The following DYNC2I2 variants were observed in gnomAD, a reference collection of about 807,000 sequenced individuals.
DYNC2I2 encodes cytoplasmic dynein 2 intermediate chain 2.
A neutral mutation model predicts 52.0 loss-of-function variants in DYNC2I2; 39 were observed. The ratio of observed to expected loss-of-function variants is 0.75; its 90% CI spans 0.58 to 0.98. DYNC2I2 has a LOEUF of 0.98. Ranked by LOEUF, DYNC2I2 falls within the 50% of genes least tolerant of loss-of-function variation. DYNC2I2 has a pLI of 0.00. For missense variants in DYNC2I2, 743 were observed against 728.4 expected, an observed-to-expected ratio of 1.02 and a Z score of -0.23; for synonymous variants, 359 against 321.1, an observed-to-expected ratio of 1.12 and a Z score of -1.26.
the DYNC2I2 span, among the ~76,000 whole-genome samples, chr9:128,674,376 C>T: frequency 1.3e-5 from 2 of 151,952 alleles, no homozygotes; most frequent in Non-Finnish European, 2.9e-5. Context: ...CCTCGTGATC[C>T]GCCTGCCTTG....
chr9:128,666,819 C>A, the DYNC2I2 span, among the ~76,000 whole-genome samples: 2 of 151,408 alleles, frequency 1.3e-5, no homozygotes, highest in Non-Finnish European at 2.9e-5. Flanking sequence ...GTAATCCCAG[C>A]ACTTTCAGAA....
At chr9:128,665,418 T>C in the DYNC2I2 span, among the ~76,000 whole-genome samples, 1 of 152,098 alleles carries the variant, frequency 6.6e-6, no homozygotes, top group Non-Finnish European at 1.5e-5. Context: ...ATATTTGCCA[T>C]GACCTTAAAT....
At chr9:128,672,516 G>T in the DYNC2I2 span, among the ~76,000 whole-genome samples, 1 of 148,964 alleles carries the variant, frequency 6.7e-6, no homozygotes, top group East Asian at 1.9e-4. Context: ...AAAAAAAAAA[G>T]TTTAATCTCA....
At chr9:128,673,432 C>G in the DYNC2I2 span, among the ~76,000 whole-genome samples, 1 of 11,326 alleles carries the variant, frequency 8.8e-5, no homozygotes, top group African/African-American at 1.2e-4. Context: ...ACTTCTGCCT[C>G]CAGGGCTCAA....
intron 4 of DYNC2I2, 161 bp from the exon 5 acceptor site, chr9:128,635,928 G>T: frequency 1.4e-6 from 1 of 716,554 alleles, no homozygotes; most frequent in Non-Finnish European, 2.4e-6. Flanking sequence ...CTAGCCCCCA[G>T]CTCCCCTGTT....
the DYNC2I2 span, among the ~76,000 whole-genome samples, chr9:128,673,170 G>A: frequency 6.6e-6 from 1 of 152,152 alleles, no homozygotes; most frequent in East Asian, 1.9e-4. Context: ...TCAAACAGTA[G>A]TAGCAGCTTA....
At chr9:128,653,716 C>CA (rs1298758234) in intron 1 of DYNC2I2, among the ~76,000 whole-genome samples, 25 of 126,890 alleles carry the variant, frequency 2.0e-4, no homozygotes, top group South Asian at 9.6e-4. Flanking sequence ...ACTCTGTCTC[C>CA]AAAAAAAAAC....
chr9:128,684,412 C>T, the DYNC2I2 span, among the ~76,000 whole-genome samples: 2 of 152,228 alleles, frequency 1.3e-5, no homozygotes, highest in Middle Eastern at 3.4e-3. Flanking sequence ...TTCTTGCTGC[C>T]GACGGCGGCC....
the DYNC2I2 span, among the ~76,000 whole-genome samples, chr9:128,665,003 A>T: frequency 6.6e-6 from 1 of 151,686 alleles, no homozygotes; most frequent in Non-Finnish European, 1.5e-5. Flanking sequence ...TATAACACAT[A>T]AACAGTTATT....
At chr9:128,667,489 C>T in the DYNC2I2 span, among the ~76,000 whole-genome samples, 1 of 150,910 alleles carries the variant, frequency 6.6e-6, no homozygotes, top group Non-Finnish European at 1.5e-5. Context: ...CCACGCCCGG[C>T]TAATTTTTGT....
At chr9:128,678,370 AT>A in the DYNC2I2 span, among the ~76,000 whole-genome samples, 30 of 136,722 alleles carry the variant, frequency 2.2e-4, no homozygotes, top group African/African-American at 4.7e-4. Flanking sequence ...GCCCAGCCTA[AT>A]TTTTTTTTTA....
upstream of DYNC2I2, among the ~76,000 whole-genome samples, chr9:128,657,188 T>C (rs1860849433): frequency 6.6e-6 from 1 of 152,230 alleles, no homozygotes; most frequent in Non-Finnish European, 1.5e-5. Context: ...GATCTCCCTT[T>C]AATCCTCAGT....
rs979997078 is a variant in DYNC2I2, at chr9:128,636,530, G to A, written c.546-92C>T. ...CTCCCCACTAGCCCCGGACACACTC[G>A]CTGTGTCCTTGTCACCACCAGACAC... On this transcript the variant is annotated intron_variant, in intron 3 of 8. Coordinates refer to ENST00000372715, the MANE Select transcript of DYNC2I2 (RefSeq NM_052844.4). 7.2e-6 allele frequency: 10 copies of A among 1,395,958 alleles called. No individual in the cohort carries two copies. In the South Asian group the frequency reaches 7.6e-5, roughly 11 times the overall value. 86.5% of individuals were successfully genotyped at this position (1,395,958 alleles called of 1,614,324 possible). A position where few individuals can be genotyped will look rare whatever the true frequency, so the allele number is the denominator to read the frequency against.
chr9:128,662,084 T>C, the DYNC2I2 span, among the ~76,000 whole-genome samples: 2 of 150,194 alleles, frequency 1.3e-5, no homozygotes, highest in South Asian at 4.2e-4. Flanking sequence ...ATACAAAAAA[T>C]TAGCTGGGCA....
In DYNC2I2 at chr9:128,656,819, G is replaced by C. The variant is rs1860839697; in HGVS notation, c.-93C>G. The C allele has an allele frequency of 4.8e-6, 6 of 1,255,908 alleles. No individual in the cohort carries two copies. The highest frequency in any genetic ancestry group is 2.0e-5 in the South Asian group (1 of 49,452). 77.8% of individuals were successfully genotyped at this position (1,255,908 alleles called of 1,614,324 possible). ...GGAAAACGGGGAATGTGAGGCTGAC[G>C]GCGCCATGTTTGAATTGGTCGCAGC... On this transcript the variant is annotated 5_prime_UTR_variant, in exon 1 of 9. Coordinates refer to ENST00000372715, the MANE Select transcript of DYNC2I2 (RefSeq NM_052844.4).
chr9:128,682,298 T>A, the DYNC2I2 span, among the ~76,000 whole-genome samples: 1 of 151,940 alleles, frequency 6.6e-6, no homozygotes, highest in Non-Finnish European at 1.5e-5. Flanking sequence ...TCCACCCGCA[T>A]CAGCCTCCCA....
intron 7 of DYNC2I2, 44 bp from the exon 8 acceptor site, chr9:128,634,427 G>T (rs368368335): frequency 7.2e-6 from 11 of 1,533,172 alleles, no homozygotes; most frequent in South Asian, 1.3e-5. Flanking sequence ...CAGTGCTGGG[G>T]TCTGGGTGGT....
At chr9:128,674,574 C>A in the DYNC2I2 span, among the ~76,000 whole-genome samples, 1 of 151,950 alleles carries the variant, frequency 6.6e-6, no homozygotes, top group Non-Finnish European at 1.5e-5. Flanking sequence ...ACACCCTTGT[C>A]TGTACTAAAA....
At chr9:128,683,013 G>A in the DYNC2I2 span, among the ~76,000 whole-genome samples, 1 of 147,944 alleles carries the variant, frequency 6.8e-6, no homozygotes, top group South Asian at 2.1e-4. Context: ...GTCTTTTTTT[G>A]AGACAGGGTC....
Sources: gnomAD v4.1 joint callset for allele counts (sites outside exome capture counted in the v4.1 genomes callset) on GRCh38, gnomAD v4.1.1 for gene constraint, MANE v1.5 for transcripts, NCBI Gene and HGNC (gene_info 2026-07-23, HGNC 2026-07-21) for gene names.